The following PDE9A variants were observed in gnomAD, a reference collection of about 807,000 sequenced individuals.
The protein encoded by PDE9A is phosphodiesterase 9A.
A neutral mutation model predicts 87.4 loss-of-function variants in PDE9A; 60 were observed. That is an observed-to-expected ratio of 0.69 (90% CI 0.56 to 0.85). PDE9A has a LOEUF of 0.85. Ranked by LOEUF, PDE9A falls within the 40% of genes least tolerant of loss-of-function variation. The pLI is 0.00. For synonymous variants in PDE9A, 272 were observed against 279.4 expected (o/e 0.97, Z 0.27); for missense variants, 665 against 779.0 (o/e 0.85, Z 1.74).
chr21:42,758,940 A>T, intron 10 of PDE9A, 59 bp from the exon 11 acceptor site: 1 of 1,337,604 alleles, frequency 7.5e-7, no homozygotes, highest in Non-Finnish European at 1.1e-6. Flanking sequence ...GAAGGAAGCC[A>T]GGGGCTGGGG....
At chr21:42,729,816 ATCTT>A (rs2051530757) in intron 4 of PDE9A, among the ~76,000 whole-genome samples, 1 of 152,148 alleles carries the variant, frequency 6.6e-6, no homozygotes, top group African/African-American at 2.4e-5. Context: ...TTTGTCTGCT[ATCTT>A]TCTGTTATTG....
chr21:42,734,323 A>G (rs772628757), intron 7 of PDE9A: 9 of 152,222 alleles, frequency 5.9e-5, no homozygotes, highest in Non-Finnish European at 1.3e-4. Flanking sequence ...AAACAGCTTC[A>G]AGTCACCCAC....
At chr21:42,742,253 C>T (rs1351025811) in intron 7 of PDE9A, among the ~76,000 whole-genome samples, 1 of 152,110 alleles carries the variant, frequency 6.6e-6, no homozygotes, top group Non-Finnish European at 1.5e-5. Flanking sequence ...TTCATCAAGA[C>T]AGGGGAACTG....
At chr21:42,750,089 G>T (rs1468965843) in intron 8 of PDE9A, among the ~76,000 whole-genome samples, 1 of 152,208 alleles carries the variant, frequency 6.6e-6, no homozygotes, top group Admixed American at 6.5e-5. Context: ...GGTGAGCAAA[G>T]ATTGCGCCAC....
At chr21:42,657,006 G>A (rs903239531) in intron 1 of PDE9A, among the ~76,000 whole-genome samples, 6 of 152,248 alleles carry the variant, frequency 3.9e-5, no homozygotes, top group Non-Finnish European at 8.8e-5. Flanking sequence ...GAGTGCTGGC[G>A]GAATGGGAAG....
Position 42,760,541 on chromosome 21 carries a change from TC to T in PDE9A, c.1002+113del. ...CACCAAGAGAGCCACAGGCGTGGGG[TC>T]CCCAGCCGCTCCGCCCCTCCTAGGG... is the stretch of plus-strand genomic sequence containing the variant. On this transcript the variant is annotated intron_variant, in intron 12 of 19. Coordinates refer to ENST00000291539, the MANE Select transcript of PDE9A (RefSeq NM_002606.3). This position sits in a 1 kb window ranked among gnomAD's most constrained non-coding sequence, Gnocchi z 5.2. 1.4e-6 allele frequency: 1 copy of T among 695,912 alleles called. No individual in the cohort carries two copies. Among genetic ancestry groups the T allele is most frequent in the Non-Finnish European group, 2.5e-6 (1 of 407,072 alleles). The allele number at this position is 695,912 out of a possible 1,614,324, so 43.1% of individuals were successfully genotyped here.
intron 3 of PDE9A, among the ~76,000 whole-genome samples, chr21:42,693,426 G>C (rs2146267590): frequency 6.6e-6 from 1 of 151,524 alleles, no homozygotes; most frequent in East Asian, 1.9e-4. Flanking sequence ...AGCCTCCCGA[G>C]TAGCTGGGAC....
rs1031675950 is a variant in PDE9A at position 42,704,065 on chromosome 21, G to A, written c.262+5054G>A. The stretch of plus-strand genomic sequence containing the variant: ...CTCCCGCCAGCCCTCACGGCAGCAC[G>A]AGGCTGGTACGAGACAGGTGCTTCA... On this transcript the variant is annotated intron_variant, in intron 4 of 19. Transcript: ENST00000291539. This position sits in a 1 kb window ranked among gnomAD's most constrained non-coding sequence, Gnocchi z 5.3. Among the ~76,000 whole-genome samples, 3 of 152,322 alleles carry A rather than the reference G, an allele frequency of 2.0e-5. No homozygotes were observed. Among genetic ancestry groups the A allele is most frequent in the East Asian group, 3.9e-4 (2 of 5,182 alleles).
intron 4 of PDE9A, among the ~76,000 whole-genome samples, chr21:42,713,720 TA>T (rs2049556222): frequency 6.6e-6 from 1 of 152,200 alleles, no homozygotes; most frequent in African/African-American, 2.4e-5. Context: ...CAATGTATTT[TA>T]TTCTTGAAAA....
At chr21:42,747,858 A>C (rs976797740) in intron 8 of PDE9A, among the ~76,000 whole-genome samples, 4 of 152,250 alleles carry the variant, frequency 2.6e-5, no homozygotes, top group African/African-American at 4.8e-5. Context: ...TAAGCCCCAG[A>C]GAAGGGGGAT....
In PDE9A at chr21:42,653,715, C is replaced by G. The variant is rs2145727467; in HGVS notation, c.-100C>G. 1.5e-5 allele frequency: 4 copies of G among 275,718 alleles called. No individual in the cohort carries two copies. The highest frequency in any genetic ancestry group is 2.8e-5 in the Non-Finnish European group (4 of 141,336). The allele number at this position is 275,718 out of a possible 1,614,324, so 17.1% of individuals were successfully genotyped here. A position where few individuals can be genotyped will look rare whatever the true frequency, so the allele number is the denominator to read the frequency against. ...TGGTTGGCTGAGCGCCGCGGGCCGC[C>G]CCCCGCCCGCCCCCTCCCCTGCTCC... On this transcript the variant is annotated 5_prime_UTR_variant, in exon 1 of 20. Coordinates refer to ENST00000291539, the MANE Select transcript of PDE9A (RefSeq NM_002606.3).
chr21:42,696,208 C>T lies in PDE9A; in HGVS notation c.219-2760C>T, dbSNP rs562405031. On this transcript the variant is annotated intron_variant, in intron 3 of 19. Coordinates refer to ENST00000291539, the MANE Select transcript of PDE9A (RefSeq NM_002606.3). The surrounding 1 kb of genome is among the most constrained non-coding windows in gnomAD (Gnocchi z 5.1). ...TGGTAAGCCTGTTTTTGTGTCAGGT[C>T]CCCAGGACACCTTCCTCTGAGTCTC... 6.6e-6 allele frequency among the ~76,000 whole-genome samples: 1 copy of T among 152,260 alleles called. No homozygotes were observed. The highest frequency in any genetic ancestry group is 6.5e-5 in the Admixed American group (1 of 15,306).
chr21:42,742,522 G>C (rs2053419360), intron 7 of PDE9A, among the ~76,000 whole-genome samples: 2 of 135,452 alleles, frequency 1.5e-5, no homozygotes, highest in African/African-American at 5.7e-5. Flanking sequence ...CCAGAGTACA[G>C]TGGCGTGATC....
chr21:42,705,240 A>G lies in PDE9A; in HGVS notation c.262+6229A>G, dbSNP rs2048722601. On this transcript the variant is annotated intron_variant, in intron 4 of 19. Transcript: ENST00000291539. The surrounding 1 kb of genome is among the most constrained non-coding windows in gnomAD (Gnocchi z 4.3). ...TTTATCCCTTTTGTGACTAAAATAAAGGTAATAGCAACTACAAAAACCACG... is the reference window on the plus strand; with the variant it reads ...TTTATCCCTTTTGTGACTAAAATAAGGGTAATAGCAACTACAAAAACCACG... 6.6e-6 allele frequency among the ~76,000 whole-genome samples: 1 copy of G among 152,244 alleles called. No individual in the cohort carries two copies. The highest frequency in any genetic ancestry group is 1.5e-5 in the Non-Finnish European group (1 of 68,040).
chr21:42,765,441 T>G lies in PDE9A; in HGVS notation c.1303T>G (p.Phe435Val). 6.2e-7 allele frequency: 1 copy of G among 1,613,154 alleles called. No homozygotes were observed. The highest frequency in any genetic ancestry group is 8.5e-7 in the Non-Finnish European group (1 of 1,179,102). ...MARHAEIMDS[F>V]KEKMENFDYS... ...AAGACATGCAGAAATTATGGATTCT[T>G]TCAAAGAGAAAATGGAGAATTTTGA... Residue 435 changes from phenylalanine to valine, a missense_variant, in exon 15 of 20, where the codon TTC (phenylalanine) becomes GTC (valine). Transcript: ENST00000291539.
In PDE9A at chr21:42,653,903, G is replaced by T; in HGVS notation, c.69+20G>T. ...CAGAAGGTAGCCCCTCCCCCACCCA[G>T]ACACCCCCTCCTCCCCCCGGGTGAC... On this transcript the variant is annotated intron_variant, in intron 1 of 19. Transcript: ENST00000291539. 7.0e-7 allele frequency: 1 copy of T among 1,420,870 alleles called. No individual in the cohort carries two copies. The highest frequency in any genetic ancestry group is 9.6e-7 in the Non-Finnish European group (1 of 1,038,256). 88.0% of individuals were successfully genotyped at this position (1,420,870 alleles called of 1,614,324 possible).
chr21:42,725,096 C>T (rs961133731), intron 4 of PDE9A, among the ~76,000 whole-genome samples: 3 of 152,202 alleles, frequency 2.0e-5, no homozygotes, highest in South Asian at 2.1e-4. Flanking sequence ...TGGCATTGAC[C>T]GTGACACGGT....
At chr21:42,665,943 G>A (rs908411196) in intron 1 of PDE9A, among the ~76,000 whole-genome samples, 4 of 152,228 alleles carry the variant, frequency 2.6e-5, no homozygotes, top group Non-Finnish European at 5.9e-5. Context: ...AGGCCCCGTT[G>A]AAGTCAGTTG....
chr21:42,661,155 C>T (rs2057453019), intron 1 of PDE9A, among the ~76,000 whole-genome samples: 2 of 151,888 alleles, frequency 1.3e-5, no homozygotes, highest in African/African-American at 2.4e-5. Flanking sequence ...CCTCAGCCTC[C>T]GGAGTAGCTG....
Sources: allele counts gnomAD v4.1 joint callset (sites outside exome capture counted in the v4.1 genomes callset), GRCh38; gene constraint gnomAD v4.1.1; non-coding constraint Gnocchi (gnomAD v3.1); transcripts MANE v1.5; gene names NCBI Gene and HGNC (gene_info 2026-07-23, HGNC 2026-07-21).